Variants in DYNC2H1 observed in about 807,000 individuals in gnomAD.
DYNC2H1 encodes the protein dynein cytoplasmic 2 heavy chain 1.
In DYNC2H1, 410 loss-of-function variants were observed where a neutral mutation model predicts 570.0. That is an observed-to-expected ratio of 0.72 (90% CI 0.66 to 0.78). The LOEUF (loss-of-function observed/expected upper bound fraction) is 0.78, where lower values mean the gene tolerates loss of function less well. DYNC2H1 is among the 30% of genes least tolerant of loss of function. The probability of loss-of-function intolerance (pLI) is 0.00; values close to 1 mark genes in which losing one functional copy is unlikely to be tolerated. For synonymous variants in DYNC2H1, 1,688 were observed against 1,677.6 expected (o/e 1.01, Z -0.15); for missense variants, 4,865 against 5,046.4 (o/e 0.96, Z 1.09).
Position 103,456,309 on chromosome 11 carries a change from G to T in DYNC2H1, c.12601G>T (p.Val4201Leu). Residue 4201 changes from valine to leucine, a missense_variant, in exon 87 of 89, where the codon GTA becomes TTA. Transcript: ENST00000375735. The part of the protein sequence containing the change: ...VGRSVDSLKF[V>L]ASWKGRLQEA... ...TCGTTCTGTGGATAGCCTTAAATTT[G>T]TAGCCTCATGGAAAGGTCGACTGCA... The T allele has an allele frequency of 6.2e-7, 1 of 1,609,250 alleles. No homozygotes were observed. Among genetic ancestry groups the T allele is most frequent in the South Asian group, 1.1e-5 (1 of 89,886 alleles).
At position 103,120,936 on chromosome 11, in the gene DYNC2H1, A is replaced by T; in HGVS notation, c.1260A>T (p.Ala420=). 1 of 1,513,206 alleles carries T rather than the reference A, an allele frequency of 6.6e-7. No homozygotes were observed. Among genetic ancestry groups the T allele is most frequent in the African/African-American group, 1.4e-5 (1 of 70,982 alleles). 93.7% of individuals were successfully genotyped at this position (1,513,206 alleles called of 1,614,324 possible). A position where few individuals can be genotyped will look rare whatever the true frequency, so the allele number is the denominator to read the frequency against. Residue 420 remains alanine (A), a synonymous_variant, in exon 9 of 89, where the codon GCA becomes GCT. Transcript: ENST00000375735. ...IQDSPQQLLQ[A]FLKYKELVKR... is the part of the protein sequence containing the mutation. ...TTATTTTATATTAGCTTCTTCAAGC[A>T]TTCCTGAAATATAAAGAGTTGGTAA...
intron 83 of DYNC2H1, among the ~76,000 whole-genome samples, chr11:103,358,838 T>C (rs1227982571): frequency 6.6e-6 from 1 of 152,214 alleles, no homozygotes; most frequent in Non-Finnish European, 1.5e-5. Flanking sequence ...AGCTATTTAT[T>C]CTGAGAATAA....
At chr11:103,162,934 G>A in intron 29 of DYNC2H1, 94 bp from the exon 30 acceptor site, 4 of 1,140,136 alleles carry the variant, frequency 3.5e-6, no homozygotes, top group African/African-American at 1.6e-5. Context: ...ACAGTATAGA[G>A]TTAGTAGATT....
chr11:103,369,148 G>A lies in DYNC2H1; in HGVS notation c.12156+10789G>A, dbSNP rs1035738045. On this transcript the variant is annotated intron_variant, in intron 83 of 88. Coordinates refer to ENST00000375735, the MANE Select transcript of DYNC2H1 (RefSeq NM_001377.3). The surrounding 1 kb of genome is among the most constrained non-coding windows in gnomAD (Gnocchi z 4.0). Reference sequence around the variant, plus strand: ...GCAGCAGTGGCATGGCATGGAGAGCGTTTTGGTGCACTGGGGAGAGGGAGA... The same window carrying A: ...GCAGCAGTGGCATGGCATGGAGAGCATTTTGGTGCACTGGGGAGAGGGAGA... Among the ~76,000 whole-genome samples, 22 of 152,142 alleles carry A rather than the reference G, an allele frequency of 1.4e-4. No individual in the cohort carries two copies. Among genetic ancestry groups the A allele is most frequent in the African/African-American group, 5.1e-4 (21 of 41,420 alleles).
chr11:103,155,250 A>G, intron 24 of DYNC2H1, 81 bp from the exon 25 acceptor site: 1 of 1,370,260 alleles, frequency 7.3e-7, no homozygotes. Context: ...TAATAAGCAT[A>G]AAAGTAAATA....
Position 103,109,627 on chromosome 11 carries a change from A to C in DYNC2H1, c.53A>C (p.Gln18Pro). 1 of 1,613,770 alleles carries C rather than the reference A, an allele frequency of 6.2e-7. No individual in the cohort carries two copies. ...VRKLFIFTTTQNYFGLMSELW... is the reference protein window; with the variant it reads ...VRKLFIFTTTPNYFGLMSELW... Reference sequence around the variant, plus strand: ...AAGCTCTTCATCTTCACTACTACCCAGAATTACTTCGGGTTGATGTCTGAA... The same window carrying C: ...AAGCTCTTCATCTTCACTACTACCCCGAATTACTTCGGGTTGATGTCTGAA... Residue 18 changes from glutamine to proline, a missense_variant, in exon 1 of 89, where the codon CAG becomes CCG. Transcript: ENST00000375735.
At chr11:103,233,751 C>T (rs778313213) in intron 60 of DYNC2H1, among the ~76,000 whole-genome samples, 8 of 150,992 alleles carry the variant, frequency 5.3e-5, no homozygotes, top group African/African-American at 7.3e-5. Context: ...CCTTGAATGC[C>T]GTATTGGCAA....
At chr11:103,372,223 T>C (rs1941193153) in intron 83 of DYNC2H1, among the ~76,000 whole-genome samples, 1 of 151,860 alleles carries the variant, frequency 6.6e-6, no homozygotes, top group Admixed American at 6.6e-5. Context: ...TTGACCATGT[T>C]GTCTAGGCTG....
chr11:103,374,549 G>T (rs1356008761), intron 83 of DYNC2H1, among the ~76,000 whole-genome samples: 1 of 152,172 alleles, frequency 6.6e-6, no homozygotes. Flanking sequence ...GGAAAGTTTG[G>T]ACCTTCTTAC....
chr11:103,216,675 C>T (rs962818734), intron 55 of DYNC2H1, among the ~76,000 whole-genome samples: 10 of 151,838 alleles, frequency 6.6e-5, no homozygotes, highest in Non-Finnish European at 1.3e-4. Flanking sequence ...GCCTATAGTC[C>T]CAGCTACTCA....
At position 103,325,056 on chromosome 11, in the gene DYNC2H1, CTTGT is replaced by C. The variant is rs919614988; in HGVS notation, c.12039+1073_12039+1076del. On this transcript the variant is annotated intron_variant, in intron 82 of 88. Transcript: ENST00000375735. This position sits in a 1 kb window ranked among gnomAD's most constrained non-coding sequence, Gnocchi z 4.8. ...TGTTTTTTGCCCACTTTTTAATGGGCTTGTTTGTTTTTTGCTTGTTAATTTCTTT... is the reference window on the plus strand; with the variant it reads ...TGTTTTTTGCCCACTTTTTAATGGGCTTGTTTTTTGCTTGTTAATTTCTTT... 2.6e-5 allele frequency among the ~76,000 whole-genome samples: 4 copies of C among 151,820 alleles called. No individual in the cohort carries two copies. The highest frequency in any genetic ancestry group is 4.8e-5 in the African/African-American group (2 of 41,344).
chr11:103,143,429 A>G (rs760575546), intron 18 of DYNC2H1, 34 bp downstream of exon 18: 2 of 1,552,188 alleles, frequency 1.3e-6, no homozygotes, highest in Admixed American at 4.0e-5. Flanking sequence ...TACGTACCAT[A>G]ATAATTTTTT....
chr11:103,128,812 T>C (rs1859124104), intron 12 of DYNC2H1, 98 bp from the exon 13 acceptor site: 1 of 1,054,554 alleles, frequency 9.5e-7, no homozygotes, highest in Non-Finnish European at 1.3e-6. Context: ...GTTTAAATTT[T>C]AGGATTGAGA....
At chr11:103,327,391 T>C (rs1938553431) in intron 82 of DYNC2H1, among the ~76,000 whole-genome samples, 1 of 152,128 alleles carries the variant, frequency 6.6e-6, no homozygotes, top group Admixed American at 6.5e-5. Context: ...TTTACAATAC[T>C]TAAGCAAATA....
In DYNC2H1 at chr11:103,133,463, G is replaced by A. The variant is rs1433835634; in HGVS notation, c.1954-92G>A. On this transcript the variant is annotated intron_variant, in intron 13 of 88. Transcript: ENST00000375735. The surrounding 1 kb of genome is among the most constrained non-coding windows in gnomAD (Gnocchi z 4.8). ...TGTGCTTTCTTTGTTGCAGGTCAGA[G>A]TTGGGGATAGTTGAACTTTTGATAT... 4.1e-6 allele frequency: 5 copies of A among 1,224,326 alleles called. No homozygotes were observed. The highest frequency in any genetic ancestry group is 2.5e-5 in the East Asian group (1 of 39,576). 75.8% of individuals were successfully genotyped at this position (1,224,326 alleles called of 1,614,324 possible). A position where few individuals can be genotyped will look rare whatever the true frequency, so the allele number is the denominator to read the frequency against.
intron 29 of DYNC2H1, among the ~76,000 whole-genome samples, chr11:103,161,271 A>C (rs1294126378): frequency 6.6e-6 from 1 of 152,120 alleles, no homozygotes; most frequent in Non-Finnish European, 1.5e-5. Flanking sequence ...TTATGAAAAG[A>C]ACCTTGGCCT....
At position 103,249,452 on chromosome 11, in the gene DYNC2H1, C is replaced by T. The variant is rs895259876; in HGVS notation, c.10043-3833C>T. Among the ~76,000 whole-genome samples, 1 of 151,876 alleles carries T rather than the reference C, an allele frequency of 6.6e-6. No homozygotes were observed. Among genetic ancestry groups the T allele is most frequent in the Non-Finnish European group, 1.5e-5 (1 of 67,888 alleles). On this transcript the variant is annotated intron_variant, in intron 65 of 88. Coordinates refer to ENST00000375735, the MANE Select transcript of DYNC2H1 (RefSeq NM_001377.3). The surrounding 1 kb of genome is among the most constrained non-coding windows in gnomAD (Gnocchi z 4.6). ...AATTGAATACACCTGTATAAACACC[C>T]AGATCAAGACATAAGAGCTTTATTA...
chr11:103,462,368 C>G (rs992456645), intron 87 of DYNC2H1, among the ~76,000 whole-genome samples: 25 of 151,106 alleles, frequency 1.7e-4, no homozygotes, highest in African/African-American at 4.6e-4. Flanking sequence ...CTTCATTTTA[C>G]ATTGTATCAT....
At chr11:103,438,977 T>TA (rs35277020) in intron 85 of DYNC2H1, among the ~76,000 whole-genome samples, 1 of 151,746 alleles carries the variant, frequency 6.6e-6, no homozygotes, top group Non-Finnish European at 1.5e-5. Flanking sequence ...CCTCGCCTCT[T>TA]AAAAAAAAGA....
Sources: allele counts gnomAD v4.1 joint callset (sites outside exome capture counted in the v4.1 genomes callset), GRCh38; gene constraint gnomAD v4.1.1; non-coding constraint Gnocchi (gnomAD v3.1); transcripts MANE v1.5; gene names NCBI Gene and HGNC (gene_info 2026-07-23, HGNC 2026-07-21).